CSGALNACT1: variants seen among roughly 807,000 people sequenced by gnomAD.
CSGALNACT1 encodes chondroitin sulfate N-acetylgalactosaminyltransferase 1.
CSGALNACT1 carries 52 observed loss-of-function variants against 51.0 expected under a neutral mutation model. The observed-to-expected ratio is 1.02, with a 90% CI of 0.82 to 1.29. The LOEUF is 1.29. CSGALNACT1 is among the 50% of genes most tolerant of loss of function. The probability of loss-of-function intolerance (pLI) is 0.00; values close to 1 mark genes in which losing one functional copy is unlikely to be tolerated. For missense variants in CSGALNACT1, 935 were observed against 679.2 expected (o/e 1.38, Z -4.19); for synonymous variants, 341 against 254.4 (o/e 1.34, Z -3.24).
chr8:19,430,358 G>T (rs535302356), intron 6 of CSGALNACT1, among the ~76,000 whole-genome samples: 1 of 152,090 alleles, frequency 6.6e-6, no homozygotes, highest in Non-Finnish European at 1.5e-5. Flanking sequence ...GATCCATTTT[G>T]ACTTCAAGTT....
chr8:19,709,691 C>A (rs187972144), intron 1 of CSGALNACT1, among the ~76,000 whole-genome samples: 99 of 152,242 alleles, frequency 6.5e-4, no homozygotes, highest in Middle Eastern at 6.8e-3. Flanking sequence ...GGTATCACCA[C>A]GAGGGCATTA....
intron 4 of CSGALNACT1, among the ~76,000 whole-genome samples, chr8:19,464,224 G>T (rs2066171699): frequency 6.6e-6 from 1 of 152,058 alleles, no homozygotes. Flanking sequence ...TGGAGCCAAG[G>T]TCTCCCAGCT....
intron 1 of CSGALNACT1, among the ~76,000 whole-genome samples, chr8:19,621,506 C>T (rs1044116994): frequency 5.3e-5 from 8 of 152,142 alleles, no homozygotes; most frequent in African/African-American, 1.9e-4. Context: ...AATGTCCAGG[C>T]ACAGTGGCTG....
intron 3 of CSGALNACT1, among the ~76,000 whole-genome samples, chr8:19,586,435 A>G (rs974263311): frequency 6.6e-6 from 1 of 151,780 alleles, no homozygotes; most frequent in Non-Finnish European, 1.5e-5. Context: ...AAGAAGAAGA[A>G]CTTAGACAAC....
intron 3 of CSGALNACT1, among the ~76,000 whole-genome samples, chr8:19,534,918 G>A (rs983757036): frequency 6.6e-6 from 1 of 152,058 alleles, no homozygotes; most frequent in Admixed American, 6.6e-5. Context: ...ATTGCACTTC[G>A]CCATATTTCC....
At chr8:19,449,198 C>T (rs1465554207) in intron 5 of CSGALNACT1, among the ~76,000 whole-genome samples, 1 of 152,104 alleles carries the variant, frequency 6.6e-6, no homozygotes, top group East Asian at 1.9e-4. Context: ...GATGTTCATA[C>T]ATAACCCCTG....
intron 1 of CSGALNACT1, among the ~76,000 whole-genome samples, chr8:19,756,826 A>G (rs1027128759): frequency 2.0e-5 from 3 of 152,118 alleles, no homozygotes; most frequent in Non-Finnish European, 4.4e-5. Context: ...TTTTGCAGAA[A>G]GCAATCAGAC....
intron 9 of CSGALNACT1, 111 bp from the exon 9 acceptor site, chr8:19,406,180 T>C: frequency 8.1e-7 from 1 of 1,227,610 alleles, no homozygotes; most frequent in South Asian, 1.2e-5. Flanking sequence ...GGATGCGTGC[T>C]TCACCACCAC....
intron 4 of CSGALNACT1, among the ~76,000 whole-genome samples, chr8:19,504,201 C>G (rs2076901411): frequency 6.6e-6 from 1 of 152,134 alleles, no homozygotes; most frequent in Non-Finnish European, 1.5e-5. Flanking sequence ...CTCAGCCTCC[C>G]AAGTAGCTGG....
intron 1 of CSGALNACT1, among the ~76,000 whole-genome samples, chr8:19,671,309 A>G (rs141567222): frequency 6.6e-6 from 1 of 152,312 alleles, no homozygotes; most frequent in East Asian, 1.9e-4. Context: ...GCTCTCTTCA[A>G]TCCTCTATTC....
chr8:19,436,751 A>G (rs568051258), intron 6 of CSGALNACT1, among the ~76,000 whole-genome samples: 108 of 152,162 alleles, frequency 7.1e-4, no homozygotes, highest in African/African-American at 2.4e-3. Context: ...TACAAAAACT[A>G]TATATAAAAA....
chr8:19,635,309 T>C (rs974982990), intron 1 of CSGALNACT1, among the ~76,000 whole-genome samples: 1 of 152,180 alleles, frequency 6.6e-6, no homozygotes, highest in Non-Finnish European at 1.5e-5. Context: ...TTTGAGCTGC[T>C]TTTCTGTCCA....
intron 1 of CSGALNACT1, among the ~76,000 whole-genome samples, chr8:19,664,664 CATACACACATACACACAT>C (rs2059039828): frequency 6.9e-6 from 1 of 143,998 alleles, no homozygotes; most frequent in South Asian, 2.3e-4. Flanking sequence ...CACACACACA[CATACACACATACACACAT>C]ATACACAATG....
At chr8:19,476,574 G>A (rs4311666) in intron 4 of CSGALNACT1, among the ~76,000 whole-genome samples, 2 of 151,926 alleles carry the variant, frequency 1.3e-5, no homozygotes, top group African/African-American at 2.4e-5. Flanking sequence ...CAGTCATGAC[G>A]CCCAAATTCT....
At chr8:19,406,756 CGAG>C (rs1034199955) in intron 9 of CSGALNACT1, among the ~76,000 whole-genome samples, 6 of 151,724 alleles carry the variant, frequency 4.0e-5, no homozygotes, top group Admixed American at 3.3e-4. Context: ...AGAGAAGAAA[CGAG>C]GGGCTTGCAG....
At chr8:19,421,400 G>A (rs933723512) in intron 6 of CSGALNACT1, among the ~76,000 whole-genome samples, 6 of 152,182 alleles carry the variant, frequency 3.9e-5, no homozygotes, top group South Asian at 4.1e-4. Context: ...AACGTTCCAC[G>A]AATTCATTCC....
intron 4 of CSGALNACT1, among the ~76,000 whole-genome samples, chr8:19,501,246 C>CAAAAA (rs35069773): frequency 8.7e-4 from 73 of 83,534 alleles, no homozygotes; most frequent in African/African-American, 1.3e-3. Context: ...GACTCCGTCT[C>CAAAAA]AAAAAAAAAA....
intron 3 of CSGALNACT1, among the ~76,000 whole-genome samples, chr8:19,520,082 T>C (rs2080348760): frequency 6.6e-6 from 1 of 152,168 alleles, no homozygotes; most frequent in Non-Finnish European, 1.5e-5. Context: ...TAAGACAAAA[T>C]AAACAGCCTA....
At chr8:19,430,187 G>A (rs913532974) in intron 6 of CSGALNACT1, among the ~76,000 whole-genome samples, 1 of 152,136 alleles carries the variant, frequency 6.6e-6, no homozygotes, top group Non-Finnish European at 1.5e-5. Flanking sequence ...TAGCACAAAA[G>A]TTTTTAATTT....
Sources: gnomAD v4.1 joint callset for allele counts (sites outside exome capture counted in the v4.1 genomes callset) on GRCh38, gnomAD v4.1.1 for gene constraint, MANE v1.5 for transcripts, NCBI Gene and HGNC (gene_info 2026-07-23, HGNC 2026-07-21) for gene names.